Variants in ATR observed in about 807,000 individuals in gnomAD.
The protein encoded by ATR is ATR checkpoint kinase, also known as serine/threonine-protein kinase ATR.
Under a neutral mutation model 305.3 loss-of-function variants are expected in ATR, and 142 were observed. That is an observed-to-expected ratio of 0.47 (90% CI 0.41 to 0.53). The LOEUF is 0.53. Ranked by LOEUF, ATR falls within the 20% of genes least tolerant of loss-of-function variation. ATR has a pLI of 0.00. For synonymous variants in ATR, 1,050 were observed against 1,068.1 expected (o/e 0.98, Z 0.33); for missense variants, 2,135 against 3,133.1 (o/e 0.68, Z 7.60).
At chr3:142,569,905 A>G (rs906136503) in intron 1 of ATR, among the ~76,000 whole-genome samples, 1 of 152,120 alleles carries the variant, frequency 6.6e-6, no homozygotes, top group Admixed American at 6.5e-5. Flanking sequence ...TCAGCCTCCC[A>G]AAGTGCTGGG....
chr3:142,485,531 C>T (rs1007436983), intron 35 of ATR, among the ~76,000 whole-genome samples: 1 of 152,218 alleles, frequency 6.6e-6, no homozygotes, highest in African/African-American at 2.4e-5. Flanking sequence ...GAATTCGCAA[C>T]TTAGGAGAAA....
At chr3:142,479,758 C>T (rs2108299079) in intron 36 of ATR, among the ~76,000 whole-genome samples, 1 of 152,254 alleles carries the variant, frequency 6.6e-6, no homozygotes, top group Non-Finnish European at 1.5e-5. Flanking sequence ...TCACATAGTC[C>T]CATATTTCTT....
chr3:142,573,784 A>G (rs1465769817), intron 1 of ATR, among the ~76,000 whole-genome samples: 1 of 152,140 alleles, frequency 6.6e-6, no homozygotes, highest in Non-Finnish European at 1.5e-5. Flanking sequence ...TTTGAAACCC[A>G]CTGTGTATCT....
intron 20 of ATR, 64 bp from the exon 21 acceptor site, chr3:142,535,269 G>C (rs1220372546): frequency 1.1e-5 from 17 of 1,590,154 alleles, no homozygotes; most frequent in South Asian, 1.1e-5. Flanking sequence ...ATTTCCAAAG[G>C]CCTGAATTCT....
chr3:142,534,533 G>A lies in ATR; in HGVS notation c.3945+547C>T, dbSNP rs1186778343. On this transcript the variant is annotated intron_variant, in intron 21 of 46. Coordinates refer to ENST00000350721, the MANE Select transcript of ATR (RefSeq NM_001184.4). ...TAGATATGCAAAAATGAGTAATTCC[G>A]TTAAATTTTTTCCAATTTATTCATA... 2.6e-5 allele frequency among the ~76,000 whole-genome samples: 4 copies of A among 151,916 alleles called. No individual in the cohort carries two copies. In the East Asian group the frequency reaches 5.8e-4, roughly 22 times the overall value.
At chr3:142,508,781 G>A (rs573175651) in intron 27 of ATR, among the ~76,000 whole-genome samples, 298 of 152,046 alleles carry the variant, frequency 2.0e-3, no homozygotes, top group African/African-American at 5.1e-3. Flanking sequence ...AAAATTAGCC[G>A]GGCGTGGTGA....
chr3:142,553,204 T>C, intron 13 of ATR, 23 bp downstream of exon 13: 2 of 1,612,436 alleles, frequency 1.2e-6, no homozygotes, highest in Non-Finnish European at 1.7e-6. Context: ...TTGCCTATAG[T>C]CCAGACAAAC....
intron 40 of ATR, among the ~76,000 whole-genome samples, 185 bp downstream of exon 40, chr3:142,466,139 T>C (rs1202831203): frequency 1.3e-5 from 2 of 152,184 alleles, no homozygotes; most frequent in Non-Finnish European, 2.9e-5. Context: ...GAATCAGAAC[T>C]TTTTTTAATC....
intron 21 of ATR, among the ~76,000 whole-genome samples, chr3:142,527,794 T>C (rs2033458342): frequency 3.9e-5 from 6 of 152,220 alleles, no homozygotes; most frequent in Admixed American, 3.9e-4. Context: ...TAATGAAGTA[T>C]ATCACAAGTG....
chr3:142,466,010 C>CAA (rs143485594), intron 40 of ATR, among the ~76,000 whole-genome samples: 4 of 68,712 alleles, frequency 5.8e-5, no homozygotes, highest in African/African-American at 8.8e-5. Context: ...ACCCTGTTTC[C>CAA]AAAAAAAAAA....
Position 142,498,695 on chromosome 3 carries a change from A to G in ATR, c.5460T>C (p.Tyr1820=), listed in dbSNP as rs2227932. The G allele has an allele frequency of 0.11, 169,711 of 1,613,800 alleles. 10,072 individuals carry two copies. The highest frequency in any genetic ancestry group is 0.16 in the South Asian group (14,483 of 91,058). The change falls in exon 32 of 47, where the codon TAT becomes TAC. Residue 1820 remains tyrosine, a synonymous_variant. Coordinates refer to ENST00000350721, the MANE Select transcript of ATR (RefSeq NM_001184.4). The stretch of plus-strand genomic sequence containing the variant: ...CTGCTCTCACTAGTTTCAGTGAGTC[A>G]TAAAAAGCTGTGATATCTCTTTTTT... ...SAKKRDITAF[Y]DSLKLVRAEQ...
At position 142,466,466 on chromosome 3, in the gene ATR, T is replaced by C; in HGVS notation, c.6755A>G (p.Glu2252Gly). The change falls in exon 40 of 47, where the codon GAA becomes GGA. Residue 2252 changes from glutamate (E) to glycine (G), a missense_variant. By Grantham distance (98) the Glu-to-Gly change is moderately conservative. Around this residue, in one of 9 missense-constraint regions of ATR, gnomAD observed 462 missense variants for 887.6 expected, o/e 0.52. Coordinates refer to ENST00000350721, the MANE Select transcript of ATR (RefSeq NM_001184.4). Reference protein sequence around the residue: ...HFKMLKKLVEEATFSEILIPL... With the variant: ...HFKMLKKLVEGATFSEILIPL... ...AATGAGGATTTCACTAAATGTTGCTTCTTCTACCAGCTTTTTAAGCATTTT... is the reference window on the plus strand; with the variant it reads ...AATGAGGATTTCACTAAATGTTGCTCCTTCTACCAGCTTTTTAAGCATTTT... 6.2e-7 allele frequency: 1 copy of C among 1,613,954 alleles called. No individual in the cohort carries two copies. Among genetic ancestry groups the C allele is most frequent in the Non-Finnish European group, 8.5e-7 (1 of 1,179,886 alleles).
chr3:142,522,339 C>T (rs1022210957), intron 23 of ATR, among the ~76,000 whole-genome samples: 1 of 152,096 alleles, frequency 6.6e-6, no homozygotes, highest in Non-Finnish European at 1.5e-5. Context: ...GAGATACTTG[C>T]TTTATTGTGG....
Position 142,507,942 on chromosome 3 carries a change from C to T in ATR, c.5020G>A (p.Gly1674Arg), listed in dbSNP as rs759120609. 1 of 1,607,050 alleles carries T rather than the reference C, an allele frequency of 6.2e-7. No homozygotes were observed. Among genetic ancestry groups the T allele is most frequent in the South Asian group, 1.1e-5 (1 of 90,886 alleles). Residue 1674 changes from glycine to arginine, a missense_variant, in exon 28 of 47, where the codon GGA (glycine) becomes AGA (arginine). Transcript: ENST00000350721. ...EKKQNIQEHL[G>R]FLQKLYAAMH... ...TATTAACTTCAGACCTGTAAAAATC[C>T]AAGATGTTCCTGAATATTTTGCTTC...
chr3:142,485,022 A>G (rs2030820140), intron 36 of ATR, 118 bp downstream of exon 36: 1 of 1,442,716 alleles, frequency 6.9e-7, no homozygotes, highest in African/African-American at 1.4e-5. Flanking sequence ...AAGGTGATAC[A>G]CTGAATCAGT....
intron 31 of ATR, chr3:142,499,309 C>A: frequency 3.8e-5 from 8 of 208,834 alleles, no homozygotes; most frequent in East Asian, 2.7e-4. Flanking sequence ...TTTTTTTTTT[C>A]TTTGAGATGG....
chr3:142,487,766 ATTGTTTAT>A (rs1259459430), intron 35 of ATR, among the ~76,000 whole-genome samples: 1 of 152,126 alleles, frequency 6.6e-6, no homozygotes, highest in Non-Finnish European at 1.5e-5. Context: ...AACAGAAGTT[ATTGTTTAT>A]TTTAGGGTTA....
chr3:142,529,319 G>A (rs769752556), intron 21 of ATR, among the ~76,000 whole-genome samples: 11 of 151,656 alleles, frequency 7.3e-5, no homozygotes, highest in East Asian at 3.9e-4. Context: ...CTAGTTTGCC[G>A]GTGTAAAATG....
chr3:142,512,690 T>TA (rs1359583246), intron 26 of ATR, among the ~76,000 whole-genome samples: 2 of 151,774 alleles, frequency 1.3e-5, no homozygotes, highest in Non-Finnish European at 2.9e-5. Flanking sequence ...CTGTCTATAC[T>TA]AAAAATACAA....
Sources: gnomAD v4.1 joint callset for allele counts (sites outside exome capture counted in the v4.1 genomes callset) on GRCh38, gnomAD v4.1.1 for gene constraint, gnomAD v4.1.1 regional missense constraint, MANE v1.5 for transcripts, NCBI Gene and HGNC (gene_info 2026-07-23, HGNC 2026-07-21) for gene names.